NCOA5: variants seen among roughly 807,000 people sequenced by gnomAD.
The protein encoded by NCOA5 is NCoA-5.
NCOA5 carries 12 observed loss-of-function variants against 59.0 expected under a neutral mutation model. The ratio of observed to expected loss-of-function variants is 0.20; its 90% CI spans 0.13 to 0.33. The LOEUF is 0.33. Ranked by LOEUF, NCOA5 falls within the 10% of genes least tolerant of loss-of-function variation. NCOA5 has a pLI of 1.00. For missense variants in NCOA5, 655 were observed against 766.6 expected (o/e 0.85, Z 1.72); for synonymous variants, 270 against 275.5 (o/e 0.98, Z 0.20).
intron 2 of NCOA5, among the ~76,000 whole-genome samples, chr20:46,078,619 C>T (rs1251506793): frequency 6.9e-6 from 1 of 145,212 alleles, no homozygotes; most frequent in Non-Finnish European, 1.5e-5. Context: ...CTGCCCTCTA[C>T]ACAAAACTGC....
At chr20:46,074,404 A>G (rs1236805410) in intron 2 of NCOA5, among the ~76,000 whole-genome samples, 3 of 152,194 alleles carry the variant, frequency 2.0e-5, no homozygotes, top group African/African-American at 7.2e-5. Context: ...GTGTTTTACT[A>G]AAGGAACCAA....
In NCOA5 at chr20:46,063,454, G is replaced by A. The variant is rs1471684669; in HGVS notation, c.1056C>T (p.Asn352=). The change falls in exon 7 of 8, where the codon AAC becomes AAT. Residue 352 remains asparagine (N), a synonymous_variant. Transcript: ENST00000290231. ...IQSLINLLAD[N]RYLTAEETDK... ...CAGTCTCTTCAGCAGTGAGGTACCT[G>A]TTGTCTGCCAGCAGGTTGATGAGGC... 6.2e-7 allele frequency: 1 copy of A among 1,614,100 alleles called. No homozygotes were observed. Among genetic ancestry groups the A allele is most frequent in the Non-Finnish European group, 8.5e-7 (1 of 1,180,058 alleles).
intron 1 of NCOA5, among the ~76,000 whole-genome samples, chr20:46,083,484 CCTATT>C (rs769048051): frequency 2.0e-5 from 3 of 152,078 alleles, no homozygotes; most frequent in Non-Finnish European, 4.4e-5. Context: ...GAGGTGTTGC[CCTATT>C]CTAGAGTTGC....
At chr20:46,066,438 T>G (rs2084824018) in intron 5 of NCOA5, among the ~76,000 whole-genome samples, 1 of 152,194 alleles carries the variant, frequency 6.6e-6, no homozygotes, top group African/African-American at 2.4e-5. Flanking sequence ...GAGTATATAC[T>G]ACTCTGCTTG....
rs138720031 is a variant in NCOA5, at chr20:46,062,809, C to T, written c.1231G>A (p.Gly411Ser). 21 of 1,560,760 alleles carry T rather than the reference C, an allele frequency of 1.3e-5. No homozygotes were observed. Among genetic ancestry groups the T allele is most frequent in the East Asian group, 6.8e-5 (3 of 44,404 alleles). Residue 411 changes from glycine (G) to serine (S), a missense_variant, in exon 8 of 8, where the codon GGC becomes AGC. Gly to Ser is a moderately conservative substitution (Grantham distance 56, BLOSUM62 0). Around this residue, in one of 3 missense-constraint regions of NCOA5, gnomAD observed 325 missense variants for 353.2 expected, o/e 0.92. Transcript: ENST00000290231. Reference protein sequence around the residue: ...TQPSSQPLQSGQVLPSATPTP... With the variant: ...TQPSSQPLQSSQVLPSATPTP... ...GGTGTAGCAGAGGGGAGCACTTGGC[C>T]GCTCTGGAGCGGTTGGGAGCTTGGC...
At chr20:46,089,521 T>A (rs776091887) in intron 1 of NCOA5, among the ~76,000 whole-genome samples, 1 of 152,174 alleles carries the variant, frequency 6.6e-6, no homozygotes, top group Non-Finnish European at 1.5e-5. Flanking sequence ...GGACTCCTAG[T>A]GACCGACCGT....
At chr20:46,065,931 T>C (rs2084818197) in intron 5 of NCOA5, among the ~76,000 whole-genome samples, 1 of 152,168 alleles carries the variant, frequency 6.6e-6, no homozygotes, top group African/African-American at 2.4e-5. Context: ...AAATAATTTA[T>C]GTAAGGCACC....
At chr20:46,069,905 T>G (rs1409046752) in intron 3 of NCOA5, among the ~76,000 whole-genome samples, 1 of 152,176 alleles carries the variant, frequency 6.6e-6, no homozygotes, top group Non-Finnish European at 1.5e-5. Flanking sequence ...TAATTCTATG[T>G]TTAACTTTTT....
chr20:46,078,997 G>A (rs975722550), intron 2 of NCOA5, among the ~76,000 whole-genome samples: 1 of 152,156 alleles, frequency 6.6e-6, no homozygotes, highest in African/African-American at 2.4e-5. Context: ...TGGACCGGCA[G>A]CCATTTGGAA....
At chr20:46,068,455 T>C (rs2084847105) in intron 4 of NCOA5, 47 bp downstream of exon 4, 1 of 1,563,254 alleles carries the variant, frequency 6.4e-7, no homozygotes, top group Non-Finnish European at 8.6e-7. Context: ...CTCTCTTTTG[T>C]AAAGTGTTCT....
At chr20:46,073,223 T>C (rs1600625285) in intron 2 of NCOA5, among the ~76,000 whole-genome samples, 1 of 152,338 alleles carries the variant, frequency 6.6e-6, no homozygotes, top group African/African-American at 2.4e-5. Flanking sequence ...CATGATGTCA[T>C]CAGCTTGTGG....
intron 2 of NCOA5, among the ~76,000 whole-genome samples, chr20:46,071,630 C>G (rs147947441): frequency 6.6e-6 from 1 of 152,296 alleles, no homozygotes; most frequent in East Asian, 1.9e-4. Flanking sequence ...GCTATTATCT[C>G]CCTCTCATTT....
In NCOA5 at chr20:46,062,456, C is replaced by G. The variant is rs781322798; in HGVS notation, c.1584G>C (p.Val528=). The change falls in exon 8 of 8, where the codon GTG becomes GTC. Residue 528 remains valine, a synonymous_variant. Transcript: ENST00000290231. Reference sequence around the variant, plus strand: ...TGTCAAAGTTGATACCTGTGGAAGACACAGGCCTCTGGCTAGTCATGTTGC... The same window carrying G: ...TGTCAAAGTTGATACCTGTGGAAGAGACAGGCCTCTGGCTAGTCATGTTGC... ...PASNMTSQRP[V]SSTGINFDNP... is the part of the protein sequence containing the mutation. 3.7e-6 allele frequency: 6 copies of G among 1,614,146 alleles called. No homozygotes were observed. The South Asian group carries it at 6.6e-5, about 18-fold the overall frequency.
rs2084790606 is a variant in NCOA5, at chr20:46,063,529, T to C, written c.981A>G (p.Arg327=). 1 of 1,614,040 alleles carries C rather than the reference T, an allele frequency of 6.2e-7. No homozygotes were observed. The highest frequency in any genetic ancestry group is 1.7e-5 in the Admixed American group (1 of 60,000). ...ADEAILQERE[R]GGPEEGVRGG... ...CACGCACTCCCTCCTCAGGGCCTCC[T>C]CTCTCTCTTTCCTGCAGGATGGCTT... is the stretch of plus-strand genomic sequence containing the variant. Residue 327 remains arginine, a synonymous_variant, in exon 7 of 8, where the codon AGA becomes AGG. Transcript: ENST00000290231.
chr20:46,080,458 T>C (rs763423221), intron 1 of NCOA5, among the ~76,000 whole-genome samples: 1 of 152,178 alleles, frequency 6.6e-6, no homozygotes, highest in Non-Finnish European at 1.5e-5. Context: ...ATTAATAGTG[T>C]ATCTAATGAC....
intron 2 of NCOA5, among the ~76,000 whole-genome samples, chr20:46,078,560 A>T (rs2084961544): frequency 6.6e-6 from 1 of 152,248 alleles, no homozygotes; most frequent in African/African-American, 2.4e-5. Context: ...GGCCTTGAAG[A>T]GACACCAGAT....
chr20:46,070,878 A>T (rs1432830542), intron 2 of NCOA5, among the ~76,000 whole-genome samples: 2 of 152,226 alleles, frequency 1.3e-5, no homozygotes, highest in Non-Finnish European at 2.9e-5. Flanking sequence ...GTGACAGAGT[A>T]AGGAGGCAAG....
chr20:46,089,883 G>C lies in NCOA5; in HGVS notation c.-96C>G, dbSNP rs939202077. The C allele has an allele frequency of 3.9e-5, 6 of 152,140 alleles. No homozygotes were observed. Among genetic ancestry groups the C allele is most frequent in the African/African-American group, 1.4e-4 (6 of 41,430 alleles). The allele number at this position is 152,140 out of a possible 1,614,324, so 9.4% of individuals were successfully genotyped here. On this transcript the variant is annotated 5_prime_UTR_variant, in exon 1 of 8. Coordinates refer to ENST00000290231, the MANE Select transcript of NCOA5 (RefSeq NM_020967.3). ...GGCCCGCCGCTGCCGCCTCCGCGTC[G>C]GCCCACCTGCCCGCCGTAGGACAAA...
At chr20:46,087,844 G>A (rs1263295233) in intron 1 of NCOA5, among the ~76,000 whole-genome samples, 4 of 152,128 alleles carry the variant, frequency 2.6e-5, no homozygotes, top group Non-Finnish European at 5.9e-5. Context: ...AACGGACGCC[G>A]GGCTTAAATC....
Sources: allele counts gnomAD v4.1 joint callset (sites outside exome capture counted in the v4.1 genomes callset), GRCh38; gene constraint gnomAD v4.1.1; regional missense constraint gnomAD v4.1.1; transcripts MANE v1.5; gene names NCBI Gene and HGNC (gene_info 2026-07-23, HGNC 2026-07-21).